THSD4: variants seen among roughly 807,000 people sequenced by gnomAD.
THSD4 encodes the protein thrombospondin type-1 domain-containing protein 4.
THSD4 carries 69 observed loss-of-function variants against 119.0 expected under a neutral mutation model. The ratio of observed to expected loss-of-function variants is 0.58; its 90% CI spans 0.48 to 0.71. THSD4 has a LOEUF of 0.71. THSD4 is among the 30% of genes least tolerant of loss of function. The pLI, the probability that THSD4 is intolerant of heterozygous loss-of-function variation, is 0.00. For synonymous variants in THSD4, 524 were observed against 540.4 expected (o/e 0.97, Z 0.42); for missense variants, 1,393 against 1,391.1 (o/e 1.00, Z -0.02).
At chr15:71,490,849 G>A (rs1369420270) in intron 7 of THSD4, among the ~76,000 whole-genome samples, 1 of 152,190 alleles carries the variant, frequency 6.6e-6, no homozygotes, top group Non-Finnish European at 1.5e-5. Context: ...ATATAACCGT[G>A]CCCATTTGTT....
intron 8 of THSD4, among the ~76,000 whole-genome samples, chr15:71,687,844 G>T (rs2051950383): frequency 6.6e-6 from 1 of 151,504 alleles, no homozygotes; most frequent in Middle Eastern, 3.2e-3. Flanking sequence ...CAAATATTTG[G>T]AAATTACTAA....
intron 3 of THSD4, among the ~76,000 whole-genome samples, chr15:71,205,045 C>T (rs1295100565): frequency 1.3e-5 from 2 of 152,160 alleles, no homozygotes; most frequent in Non-Finnish European, 2.9e-5. Context: ...CCAGAGGATG[C>T]ATTCAAATCA....
Position 71,728,617 on chromosome 15 carries a change from G to A in THSD4, c.1426G>A (p.Glu476Lys), listed in dbSNP as rs761670963. 20 of 1,614,060 alleles carry A rather than the reference G, an allele frequency of 1.2e-5. No homozygotes were observed. Among genetic ancestry groups the A allele is most frequent in the Admixed American group, 3.3e-5 (2 of 60,004 alleles). The change falls in exon 9 of 18, where the codon GAG (glutamate) becomes AAG (lysine). Residue 476 changes from glutamate to lysine, a missense_variant. Glu to Lys is a moderately conservative substitution (Grantham distance 56). Transcript: ENST00000261862. ...NWAIDRPGKY[E>K]GGGTMFTYKR... ...GGCAATTGATCGACCAGGAAAATAC[G>A]AGGGCGGAGGGACCATGTTCACCTA...
chr15:71,184,308 A>G (rs1473790636), intron 3 of THSD4: 1 of 151,736 alleles, frequency 6.6e-6, no homozygotes, highest in Non-Finnish European at 1.5e-5. Context: ...TAAGGAATTT[A>G]CTGCTTATCA....
chr15:71,433,830 T>A (rs2046971955), intron 7 of THSD4, among the ~76,000 whole-genome samples: 1 of 151,988 alleles, frequency 6.6e-6, no homozygotes, highest in Non-Finnish European at 1.5e-5. Flanking sequence ...CACACACATA[T>A]CCCCAGGCCT....
chr15:71,568,750 C>T (rs2049292292), intron 7 of THSD4, among the ~76,000 whole-genome samples: 1 of 152,160 alleles, frequency 6.6e-6, no homozygotes, highest in South Asian at 2.1e-4. Context: ...TTCCCCCGAC[C>T]CCACAACAGG....
At chr15:71,108,068 T>C (rs2040281431) in intron 1 of THSD4, among the ~76,000 whole-genome samples, 1 of 152,250 alleles carries the variant, frequency 6.6e-6, no homozygotes, top group African/African-American at 2.4e-5. Context: ...TCCTCTGATG[T>C]CTTCCACCTC....
intron 2 of THSD4, among the ~76,000 whole-genome samples, chr15:71,150,077 C>A (rs112405742): frequency 0.015 from 2,275 of 152,170 alleles, 41 homozygotes; most frequent in Middle Eastern, 0.041. Flanking sequence ...TAGCTTCCCC[C>A]ACGCCACTTG....
intron 6 of THSD4, among the ~76,000 whole-genome samples, chr15:71,377,901 CACACACACACA>C (rs1566961480): frequency 2.3e-5 from 2 of 87,216 alleles, no homozygotes; most frequent in African/African-American, 4.7e-5. Flanking sequence ...CACACACACA[CACACACACACA>C]CAATTTCCTT....
chr15:71,674,639 A>G (rs945939856), intron 8 of THSD4, among the ~76,000 whole-genome samples: 5 of 152,110 alleles, frequency 3.3e-5, no homozygotes, highest in Admixed American at 1.3e-4. Context: ...GGTGATTGCA[A>G]TGTCCTTTCA....
At chr15:71,663,860 T>C (rs2051360586) in intron 8 of THSD4, among the ~76,000 whole-genome samples, 1 of 152,230 alleles carries the variant, frequency 6.6e-6, no homozygotes, top group African/African-American at 2.4e-5. Flanking sequence ...AAAACTGTAT[T>C]TTCTGTAAAA....
At chr15:71,169,404 G>T (rs1349576363) in intron 3 of THSD4, among the ~76,000 whole-genome samples, 1 of 152,148 alleles carries the variant, frequency 6.6e-6, no homozygotes, top group African/African-American at 2.4e-5. Flanking sequence ...GCTATGATCT[G>T]GCTACTGTAT....
chr15:71,469,976 G>C (rs1188378416), intron 7 of THSD4, among the ~76,000 whole-genome samples: 3 of 152,110 alleles, frequency 2.0e-5, no homozygotes, highest in East Asian at 3.9e-4. Context: ...GTCCAAGCTG[G>C]ATTTTAACAT....
intron 6 of THSD4, among the ~76,000 whole-genome samples, chr15:71,378,814 C>T (rs2046186004): frequency 6.6e-6 from 1 of 152,264 alleles, no homozygotes; most frequent in South Asian, 2.1e-4. Flanking sequence ...GGCAGGGTCT[C>T]ACTCTGTTGC....
At chr15:71,534,546 T>G (rs1406378071) in intron 7 of THSD4, among the ~76,000 whole-genome samples, 1 of 152,214 alleles carries the variant, frequency 6.6e-6, no homozygotes, top group Non-Finnish European at 1.5e-5. Context: ...AATTTTTGTT[T>G]TGTTACTATA....
chr15:71,734,765 T>C (rs866420883), intron 10 of THSD4, among the ~76,000 whole-genome samples: 1 of 150,874 alleles, frequency 6.6e-6, no homozygotes, highest in African/African-American at 2.4e-5. Flanking sequence ...GTGGGAACTC[T>C]GTACTTCTAC....
chr15:71,377,914 A>ACACACACACACACACACACACACACACAC (rs57687864), intron 6 of THSD4, among the ~76,000 whole-genome samples: 4 of 146,146 alleles, frequency 2.7e-5, no homozygotes, highest in Non-Finnish European at 4.5e-5. Context: ...ACACACACAC[A>ACACACACACACACACACACACACACACAC]ATTTCCTTCA....
chr15:71,715,239 C>G (rs893998188), intron 8 of THSD4, among the ~76,000 whole-genome samples: 2 of 152,140 alleles, frequency 1.3e-5, no homozygotes, highest in African/African-American at 4.8e-5. Context: ...CTATGTACAT[C>G]CTGTGTTTTT....
chr15:71,501,529 C>T (rs2048112698), intron 7 of THSD4, among the ~76,000 whole-genome samples: 1 of 152,198 alleles, frequency 6.6e-6, no homozygotes, highest in Non-Finnish European at 1.5e-5. Flanking sequence ...GAGCTGTTTA[C>T]TGCCTACATG....
Sources: gnomAD v4.1 joint callset for allele counts (sites outside exome capture counted in the v4.1 genomes callset) on GRCh38, gnomAD v4.1.1 for gene constraint, MANE v1.5 for transcripts, NCBI Gene and HGNC (gene_info 2026-07-23, HGNC 2026-07-21) for gene names.